Variants in NRXN1 observed in about 807,000 individuals in gnomAD.
NRXN1 encodes neurexin 1, also known as neurexin-1.
A neutral mutation model predicts 150.9 loss-of-function variants in NRXN1; 39 were observed. The observed-to-expected ratio is 0.26, with a 90% CI of 0.20 to 0.34. The LOEUF is 0.34. NRXN1 is among the 10% of genes least tolerant of loss of function. The pLI, the probability that NRXN1 is intolerant of heterozygous loss-of-function variation, is 1.00. For synonymous variants in NRXN1, 924 were observed against 757.0 expected (o/e 1.22, Z -3.62); for missense variants, 1,815 against 1,949.9 (o/e 0.93, Z 1.30).
intron 5 of NRXN1, among the ~76,000 whole-genome samples, chr2:50,629,331 CAAT>C (rs1299841314): frequency 6.6e-6 from 1 of 151,396 alleles, no homozygotes; most frequent in Non-Finnish European, 1.5e-5. Context: ...ATAAATCTCA[CAAT>C]AATAATGTTT....
At chr2:50,234,671 C>G (rs954128757) in intron 18 of NRXN1, among the ~76,000 whole-genome samples, 1 of 151,906 alleles carries the variant, frequency 6.6e-6, no homozygotes, top group Admixed American at 6.6e-5. Context: ...GTAGGGCTGA[C>G]AATAAACAGT....
intron 18 of NRXN1, among the ~76,000 whole-genome samples, chr2:50,230,365 AG>A (rs920021535): frequency 6.6e-6 from 1 of 152,116 alleles, no homozygotes; most frequent in African/African-American, 2.4e-5. Context: ...GGACACGAAA[AG>A]GGAAAGAGAT....
intron 9 of NRXN1, among the ~76,000 whole-genome samples, chr2:50,545,556 C>T (rs1215644970): frequency 6.6e-6 from 1 of 152,120 alleles, no homozygotes; most frequent in Non-Finnish European, 1.5e-5. Flanking sequence ...CCAGGTTTGA[C>T]TGATATTTAC....
intron 17 of NRXN1, among the ~76,000 whole-genome samples, chr2:50,369,643 A>AT: frequency 6.6e-6 from 1 of 152,076 alleles, no homozygotes; most frequent in Middle Eastern, 3.4e-3. Flanking sequence ...TCCCTCCATA[A>AT]TATTCCCTGT....
chr2:49,966,196 A>T (rs1475332904), intron 21 of NRXN1, among the ~76,000 whole-genome samples: 1 of 152,178 alleles, frequency 6.6e-6, no homozygotes, highest in East Asian at 1.9e-4. Context: ...CTTCGTTTTC[A>T]CTGAAGTGTG....
chr2:50,152,445 A>G (rs2058751107), intron 18 of NRXN1, among the ~76,000 whole-genome samples: 2 of 151,772 alleles, frequency 1.3e-5, no homozygotes, highest in Non-Finnish European at 2.9e-5. Context: ...ACCACAGGGA[A>G]TATGTTCCAA....
chr2:50,123,297 A>G (rs1333781203), intron 18 of NRXN1, among the ~76,000 whole-genome samples: 1 of 152,188 alleles, frequency 6.6e-6, no homozygotes, highest in Non-Finnish European at 1.5e-5. Context: ...TAGAAAGGTG[A>G]ACTTGTAAAG....
At chr2:50,551,613 G>C (rs1667552406) in intron 9 of NRXN1, among the ~76,000 whole-genome samples, 1 of 152,222 alleles carries the variant, frequency 6.6e-6, no homozygotes, top group Admixed American at 6.5e-5. Flanking sequence ...AAGGAGAGTA[G>C]ATAGGTCTAA....
At position 50,053,305 on chromosome 2, in the gene NRXN1, C is replaced by A. The variant is rs1220949138; in HGVS notation, c.4094G>T (p.Arg1365Ile). 1 of 1,614,004 alleles carries A rather than the reference C, an allele frequency of 6.2e-7. No homozygotes were observed. ...GGGTTCTTTTGTCGGGGGCTTTCCT[C>A]TTCTGGCTGTGCTAGTAGCCAGGGT... ...TTTLATSTARRGKPPTKEPIS... is the reference protein window; with the variant it reads ...TTTLATSTARIGKPPTKEPIS... Residue 1365 changes from arginine to isoleucine, a missense_variant, in exon 21 of 23, where the codon AGA (arginine) becomes ATA (isoleucine). Transcript: ENST00000401669.
At position 50,907,001 on chromosome 2, in the gene NRXN1, C is replaced by G. The variant is rs567171815; in HGVS notation, c.832+14868G>C. Among the ~76,000 whole-genome samples the G allele has an allele frequency of 7.9e-5, 12 of 152,050 alleles. No individual in the cohort carries two copies. The South Asian group carries it at 1.0e-3, about 13-fold the overall frequency. On this transcript the variant is annotated intron_variant, in intron 5 of 22. Transcript: ENST00000401669. The stretch of plus-strand genomic sequence containing the variant: ...TCACACCCCTCTTTCTCCCCAGAAG[C>G]AAGTCATAGCAACCAGAATTGCATT...
At chr2:49,967,250 A>G (rs1365652088) in intron 21 of NRXN1, among the ~76,000 whole-genome samples, 1 of 152,132 alleles carries the variant, frequency 6.6e-6, no homozygotes. Context: ...AAATGAACAA[A>G]AAGAACTCTC....
intron 2 of NRXN1, among the ~76,000 whole-genome samples, chr2:51,024,180 G>A (rs746671580): frequency 2.0e-5 from 3 of 152,208 alleles, no homozygotes; most frequent in East Asian, 1.9e-4. Context: ...ATTTAGATGA[G>A]ACCATAACAA....
At chr2:50,757,693 A>T (rs1701313409) in intron 5 of NRXN1, among the ~76,000 whole-genome samples, 2 of 151,772 alleles carry the variant, frequency 1.3e-5, no homozygotes, top group Admixed American at 6.6e-5. Context: ...TATCACTAGA[A>T]TGGTGTACAA....
At chr2:50,408,803 C>T (rs1467235332) in intron 17 of NRXN1, among the ~76,000 whole-genome samples, 2 of 148,862 alleles carry the variant, frequency 1.3e-5, no homozygotes, top group African/African-American at 2.4e-5. Flanking sequence ...GAGCAGAAAT[C>T]ACTGCAAGTC....
chr2:50,352,539 C>A (rs1396229181), intron 17 of NRXN1, among the ~76,000 whole-genome samples: 1 of 151,816 alleles, frequency 6.6e-6, no homozygotes, highest in African/African-American at 2.4e-5. Context: ...TTGCATTTTG[C>A]ATTTCTACCA....
At chr2:50,755,583 A>G (rs1049833104) in intron 5 of NRXN1, among the ~76,000 whole-genome samples, 8 of 151,778 alleles carry the variant, frequency 5.3e-5, no homozygotes, top group African/African-American at 1.9e-4. Flanking sequence ...CTTGGATTCC[A>G]GGCCCAAAGA....
intron 9 of NRXN1, among the ~76,000 whole-genome samples, chr2:50,541,961 TGA>T (rs1054502869): frequency 3.3e-5 from 5 of 152,208 alleles, no homozygotes; most frequent in African/African-American, 1.2e-4. Context: ...ATTGTCCCTT[TGA>T]GAGACAATTG....
At chr2:50,334,584 T>C (rs1455178540) in intron 17 of NRXN1, among the ~76,000 whole-genome samples, 2 of 152,122 alleles carry the variant, frequency 1.3e-5, no homozygotes, top group African/African-American at 2.4e-5. Flanking sequence ...GGAGGTCCTA[T>C]TTCCCAAATG....
chr2:50,200,481 A>G (rs1309899257), intron 18 of NRXN1, among the ~76,000 whole-genome samples: 1 of 152,196 alleles, frequency 6.6e-6, no homozygotes, highest in Non-Finnish European at 1.5e-5. Flanking sequence ...TTTTTTAACA[A>G]TAACATAAAA....
Sources: allele counts gnomAD v4.1 joint callset (sites outside exome capture counted in the v4.1 genomes callset), GRCh38; gene constraint gnomAD v4.1.1; transcripts MANE v1.5; gene names NCBI Gene and HGNC (gene_info 2026-07-23, HGNC 2026-07-21).